The following CYP4F12 variants were observed in gnomAD, a reference collection of about 807,000 sequenced individuals.
CYP4F12 encodes cytochrome P450 family 4 subfamily F member 12, also known as cytochrome P450 4F12.
In CYP4F12, 60 loss-of-function variants were observed where a neutral mutation model predicts 56.5. That is an observed-to-expected ratio of 1.06 (90% CI 0.86 to 1.32). The LOEUF (loss-of-function observed/expected upper bound fraction) is 1.32, where lower values mean the gene tolerates loss of function less well. Ranked by LOEUF, CYP4F12 falls within the 40% of genes most tolerant of loss-of-function variation. CYP4F12 has a pLI of 0.00. For synonymous variants in CYP4F12, 263 were observed against 264.9 expected (o/e 0.99, Z 0.07); for missense variants, 711 against 683.5 (o/e 1.04, Z -0.45).
Position 15,683,692 on chromosome 19 carries a change from A to G in CYP4F12, c.847A>G (p.Ile283Val). Residue 283 changes from isoleucine (I) to valine (V), a missense_variant, in exon 7 of 13, where the codon ATT becomes GTT. Physicochemically the swap from Ile to Val is conservative, Grantham distance 29. Coordinates refer to ENST00000550308, the MANE Select transcript of CYP4F12 (RefSeq NM_023944.4). ...GCGTCGCACCCTCCCCACTCAGGGTATTGATGATTTTTTCAAAGACAAAGC... is the reference window on the plus strand; with the variant it reads ...GCGTCGCACCCTCCCCACTCAGGGTGTTGATGATTTTTTCAAAGACAAAGC... ...ERRRTLPTQG[I>V]DDFFKDKAKS... 1 of 1,608,220 alleles carries G rather than the reference A, an allele frequency of 6.2e-7. No homozygotes were observed. The highest frequency in any genetic ancestry group is 8.5e-7 in the Non-Finnish European group (1 of 1,177,786).
chr19:15,687,018 C>T (rs1435861669), intron 9 of CYP4F12, among the ~76,000 whole-genome samples: 1 of 152,226 alleles, frequency 6.6e-6, no homozygotes, highest in Non-Finnish European at 1.5e-5. Flanking sequence ...TTCCTCATGC[C>T]TGTAATCCCA....
intron 9 of CYP4F12, among the ~76,000 whole-genome samples, chr19:15,690,075 C>A (rs1486193111): frequency 6.6e-6 from 1 of 152,130 alleles, no homozygotes; most frequent in African/African-American, 2.4e-5. Context: ...TGTAACCAAA[C>A]CACTTATATC....
rs1273562524 is a variant in CYP4F12 at position 15,677,650 on chromosome 19, C to T, written c.199-611C>T. On this transcript the variant is annotated intron_variant, in intron 2 of 12. Transcript: ENST00000550308. Reference sequence around the variant, plus strand: ...TTCCTCTCCTCACTTACTCATTCCTCTCCTCACTCACTCATTCCTCTCCTC... The same window carrying T: ...TTCCTCTCCTCACTTACTCATTCCTTTCCTCACTCACTCATTCCTCTCCTC... 2.2e-3 allele frequency among the ~76,000 whole-genome samples: 179 copies of T among 82,832 alleles called. 53 individuals are homozygous for T. Among genetic ancestry groups the T allele is most frequent in the Middle Eastern group, 0.015 (2 of 132 alleles). 54.3% of individuals were successfully genotyped at this position (82,832 alleles called of 152,430 possible).
Position 15,696,031 on chromosome 19 carries a change from A to G in CYP4F12, c.1211A>G (p.Gln404Arg), listed in dbSNP as rs1451332821. The G allele has an allele frequency of 1.2e-6, 2 of 1,614,014 alleles. No homozygotes were observed. The highest frequency in any genetic ancestry group is 1.7e-6 in the Non-Finnish European group (2 of 1,179,940). Residue 404 changes from glutamine (Q) to arginine (R), a missense_variant, in exon 10 of 13, where the codon CAG (glutamine) becomes CGG (arginine). Gln to Arg is a conservative substitution (Grantham distance 43, BLOSUM62 1). Coordinates refer to ENST00000550308, the MANE Select transcript of CYP4F12 (RefSeq NM_023944.4). Reference protein sequence around the residue: ...PAPFISRCCTQDIVLPDGRVI... With the variant: ...PAPFISRCCTRDIVLPDGRVI... ...CCCTTCATCTCCCGATGCTGCACCC[A>G]GGACATTGTTCTCCCAGATGGCCGA...
chr19:15,678,229 A>G, intron 2 of CYP4F12, 32 bp from the exon 3 acceptor site: 1 of 1,613,742 alleles, frequency 6.2e-7, no homozygotes, highest in South Asian at 1.1e-5. Context: ...ATTAACCATC[A>G]CAGGAAGTGA....
chr19:15,692,143 G>T (rs1422363470), intron 9 of CYP4F12, among the ~76,000 whole-genome samples: 3 of 152,070 alleles, frequency 2.0e-5, no homozygotes, highest in Non-Finnish European at 4.4e-5. Flanking sequence ...TTTAGGTAGA[G>T]ATGAGGTTTC....
In CYP4F12 at chr19:15,678,339, G is replaced by T. The variant is rs753199662; in HGVS notation, c.277G>T (p.Gly93Cys). ...TTCCCAGGGCTTTACGGTATGGCTGGGTCCCATCATCCCCTTCATCGTTTT... is the reference window on the plus strand; with the variant it reads ...TTCCCAGGGCTTTACGGTATGGCTGTGTCCCATCATCCCCTTCATCGTTTT... ...TYSQGFTVWL[G>C]PIIPFIVLCH... is the part of the protein sequence containing the mutation. Residue 93 changes from glycine (G) to cysteine (C), a missense_variant, in exon 3 of 13, where the codon GGT becomes TGT. Transcript: ENST00000550308. 21 of 1,614,134 alleles carry T rather than the reference G, an allele frequency of 1.3e-5. No individual in the cohort carries two copies. Among genetic ancestry groups the T allele is most frequent in the Non-Finnish European group, 1.6e-5 (19 of 1,180,026 alleles).
In CYP4F12 at chr19:15,682,566, G is replaced by A. The variant is rs569171084; in HGVS notation, c.647+56G>A. Reference sequence around the variant, plus strand: ...ATCCATGGACCAAAGGGAGAAAGTTGGGGAGGGAGGAATGAGCAAAGTAAC... The same window carrying A: ...ATCCATGGACCAAAGGGAGAAAGTTAGGGAGGGAGGAATGAGCAAAGTAAC... On this transcript the variant is annotated intron_variant, in intron 6 of 12. Transcript: ENST00000550308. 30 of 1,605,022 alleles carry A rather than the reference G, an allele frequency of 1.9e-5. No homozygotes were observed. In the South Asian group the frequency reaches 2.9e-4, roughly 15 times the overall value.
rs796819101 is a variant in CYP4F12, at chr19:15,677,654, T to C, written c.199-607T>C. ...TCTCCTCACTTACTCATTCCTCTCC[T>C]CACTCACTCATTCCTCTCCTCACTC... is the stretch of plus-strand genomic sequence containing the variant. On this transcript the variant is annotated intron_variant, in intron 2 of 12. Transcript: ENST00000550308. Among the ~76,000 whole-genome samples the C allele has an allele frequency of 7.1e-3, 365 of 51,664 alleles. 135 individuals carry two copies. The highest frequency in any genetic ancestry group is 0.032 in the Middle Eastern group (2 of 62). The allele number at this position is 51,664 out of a possible 152,430, so 33.9% of individuals were successfully genotyped here.
At chr19:15,689,772 T>C (rs548436094) in intron 9 of CYP4F12, among the ~76,000 whole-genome samples, 39 of 152,304 alleles carry the variant, frequency 2.6e-4, no homozygotes, top group African/African-American at 9.4e-4. Flanking sequence ...TACTCAGTCA[T>C]AAAAAGGAAT....
chr19:15,674,508 C>T (rs62104453), intron 2 of CYP4F12, among the ~76,000 whole-genome samples: 2,702 of 4,964 alleles, frequency 0.54, 726 homozygotes, highest in East Asian at 1. Flanking sequence ...CACTCTTATT[C>T]GTCTGCTCAC....
intron 9 of CYP4F12, among the ~76,000 whole-genome samples, chr19:15,694,198 TAA>T (rs1245633334): frequency 1.0e-5 from 1 of 100,276 alleles, no homozygotes; most frequent in African/African-American, 3.3e-5. Context: ...ATATGAACTT[TAA>T]AGTAGTTTTT....
At chr19:15,679,455 A>T (rs10401418) in intron 3 of CYP4F12, among the ~76,000 whole-genome samples, 137,751 of 152,190 alleles carry the variant, frequency 0.91, 62,291 homozygotes, top group East Asian at 1. Flanking sequence ...AGCTCACCTT[A>T]CCCCCAGGGG....
chr19:15,683,339 T>A (rs1420537125), intron 6 of CYP4F12, among the ~76,000 whole-genome samples, 154 bp from the exon 7 acceptor site: 1 of 152,092 alleles, frequency 6.6e-6, no homozygotes, highest in African/African-American at 2.4e-5. Flanking sequence ...AGAGAGTCAG[T>A]CTCATGACTG....
At chr19:15,696,540 G>A (rs2008150462) in intron 12 of CYP4F12, 28 bp downstream of exon 12, 3 of 1,604,488 alleles carry the variant, frequency 1.9e-6, no homozygotes, top group East Asian at 4.5e-5. Flanking sequence ...CTGAGGCAGG[G>A]ATGGGATGAT....
intron 9 of CYP4F12, among the ~76,000 whole-genome samples, chr19:15,693,301 C>G (rs1253620107): frequency 6.6e-6 from 1 of 152,114 alleles, no homozygotes; most frequent in African/African-American, 2.4e-5. Flanking sequence ...TTTTAAATAG[C>G]CACTGCAAAA....
Position 15,684,875 on chromosome 19 carries a change from G to A in CYP4F12, c.978G>A (p.Met326Ile), listed in dbSNP as rs1160915263. 6.2e-7 allele frequency: 1 copy of A among 1,605,248 alleles called. No individual in the cohort carries two copies. Among genetic ancestry groups the A allele is most frequent in the Admixed American group, 1.7e-5 (1 of 59,542 alleles). Residue 326 changes from methionine (M) to isoleucine (I), a missense_variant, in exon 8 of 13, where the codon ATG becomes ATA. Transcript: ENST00000550308. Reference protein sequence around the residue: ...EDIRAEADTFMFGGHDTTASG... With the variant: ...EDIRAEADTFIFGGHDTTASG... The stretch of plus-strand genomic sequence containing the variant: ...TAAGAGCAGAGGCTGACACCTTCAT[G>A]TTTGGAGGTGAGGGTCCCAGTGTGG...
At chr19:15,691,728 G>T (rs2007879319) in intron 9 of CYP4F12, among the ~76,000 whole-genome samples, 1 of 150,548 alleles carries the variant, frequency 6.6e-6, no homozygotes, top group African/African-American at 2.4e-5. Context: ...GCAAAAGATT[G>T]CCTTTTGACT....
At position 15,695,963 on chromosome 19, in the gene CYP4F12, G is replaced by C; in HGVS notation, c.1143G>C (p.Leu381=). The part of the protein sequence containing the change: ...EWDDLAQLPF[L]TMCVKESLRL... ...ACGACCTGGCCCAGCTGCCCTTCCT[G>C]ACCATGTGCGTGAAGGAGAGCCTGA... is the stretch of plus-strand genomic sequence containing the variant. Residue 381 remains leucine (L), a synonymous_variant, in exon 10 of 13, where the codon CTG becomes CTC. Coordinates refer to ENST00000550308, the MANE Select transcript of CYP4F12 (RefSeq NM_023944.4). 1 of 1,613,810 alleles carries C rather than the reference G, an allele frequency of 6.2e-7. No individual in the cohort carries two copies. Among genetic ancestry groups the C allele is most frequent in the Non-Finnish European group, 8.5e-7 (1 of 1,179,906 alleles).
Sources: allele counts gnomAD v4.1 joint callset (sites outside exome capture counted in the v4.1 genomes callset), GRCh38; gene constraint gnomAD v4.1.1; transcripts MANE v1.5; gene names NCBI Gene and HGNC (gene_info 2026-07-23, HGNC 2026-07-21).